The following CLBA1 variants were observed in gnomAD, a reference collection of about 807,000 sequenced individuals.
CLBA1 encodes clathrin binding box of aftiphilin containing 1.
CLBA1 carries 30 observed loss-of-function variants against 28.8 expected under a neutral mutation model. The ratio of observed to expected loss-of-function variants is 1.04; its 90% CI spans 0.78 to 1.41. CLBA1 has a LOEUF of 1.41. CLBA1 is among the 40% of genes most tolerant of loss of function. The pLI is 0.00. For missense variants in CLBA1, 451 were observed against 412.3 expected, an observed-to-expected ratio of 1.09 and a Z score of -0.81; for synonymous variants, 160 against 152.8, an observed-to-expected ratio of 1.05 and a Z score of -0.35.
chr14:104,993,141 G>GA (rs1352846187), intron 4 of CLBA1, 77 bp downstream of exon 4: 1 of 1,548,034 alleles, frequency 6.5e-7, no homozygotes, highest in African/African-American at 1.4e-5. Flanking sequence ...CGCTTTCTCT[G>GA]ATGTGAGTCA....
At chr14:104,993,138 T>G in intron 4 of CLBA1, 74 bp downstream of exon 4, 2 of 1,552,188 alleles carry the variant, frequency 1.3e-6, no homozygotes, top group Non-Finnish European at 1.7e-6. Flanking sequence ...CTCCGCTTTC[T>G]CTGATGTGAG....
chr14:104,990,414 C>T (rs1177672707), intron 2 of CLBA1: 7 of 152,236 alleles, frequency 4.6e-5, no homozygotes, highest in Admixed American at 4.6e-4. Flanking sequence ...ATCTTCCTGC[C>T]TCAGCCTCCT....
chr14:104,989,787 T>C, intron 2 of CLBA1: 1 of 437,380 alleles, frequency 2.3e-6, no homozygotes, highest in Admixed American at 2.4e-5. Context: ...CGGTGTGGTC[T>C]GCGGAGTGGG....
intron 4 of CLBA1, chr14:104,994,365 G>C (rs975813409): frequency 1.0e-6 from 1 of 985,360 alleles, no homozygotes; most frequent in African/African-American, 1.7e-5. Flanking sequence ...GCCCACTGCT[G>C]TCTTCGGGGC....
downstream of CLBA1, among the ~76,000 whole-genome samples, chr14:104,999,687 T>G (rs1012704334): frequency 3.3e-5 from 5 of 152,190 alleles, no homozygotes; most frequent in African/African-American, 1.2e-4. Context: ...CAGGAGGTCA[T>G]GAAAACAACA....
chr14:104,988,921 G>A, intron 1 of CLBA1, 22 bp from the exon 2 acceptor site: 1 of 1,584,048 alleles, frequency 6.3e-7, no homozygotes. Context: ...ACTTTGGTAT[G>A]CTTTTCTTCT....
downstream of CLBA1, chr14:104,995,586 G>C: frequency 1.1e-6 from 1 of 873,836 alleles, no homozygotes; most frequent in Non-Finnish European, 1.4e-6. Flanking sequence ...GAGGCCTGAA[G>C]TCTTAAGCAA....
In CLBA1 at chr14:104,995,024, C is replaced by T. The variant is rs956321205; in HGVS notation, c.*265C>T. ...GGGTCCAGGTGGCACTCATGGGCCC[C>T]CTGCCCCATGTGAATGCTGCTGGCA... On this transcript the variant is annotated 3_prime_UTR_variant, in exon 5 of 5. Coordinates refer to ENST00000547315, the MANE Select transcript of CLBA1 (RefSeq NM_174891.4). 5 of 1,111,056 alleles carry T rather than the reference C, an allele frequency of 4.5e-6. No individual in the cohort carries two copies. The highest frequency in any genetic ancestry group is 1.6e-5 in the African/African-American group (1 of 61,356). The allele number at this position is 1,111,056 out of a possible 1,614,324, so 68.8% of individuals were successfully genotyped here. A position where few individuals can be genotyped will look rare whatever the true frequency, so the allele number is the denominator to read the frequency against.
Position 104,993,061 on chromosome 14 carries a change from C to G in CLBA1, c.813C>G (p.Thr271=). The change falls in exon 4 of 5, where the codon ACC becomes ACG. Residue 271 remains threonine (T), a synonymous_variant. Transcript: ENST00000547315. ...CLQHCKALIQ[T]KLSGPPGSKQ... ...AGCATTGCAAAGCCCTGATCCAGAC[C>G]AAGGTGAGTGGTCACCAAGGAGAGG... is the stretch of plus-strand genomic sequence containing the variant. 6.2e-7 allele frequency: 1 copy of G among 1,613,276 alleles called. No individual in the cohort carries two copies. Among genetic ancestry groups the G allele is most frequent in the Non-Finnish European group, 8.5e-7 (1 of 1,179,594 alleles).
chr14:104,995,376 A>G lies in CLBA1; in HGVS notation c.*617A>G. The G allele has an allele frequency of 1.0e-6, 1 of 985,384 alleles. No homozygotes were observed. Among genetic ancestry groups the G allele is most frequent in the South Asian group, 4.7e-5 (1 of 21,278 alleles). The allele number at this position is 985,384 out of a possible 1,614,324, so 61.0% of individuals were successfully genotyped here. ...CTCACGGTTGTGGACAGGAGGTCGC[A>G]CCACTGGCCTGCGAGAGCCTCTGGT... On this transcript the variant is annotated 3_prime_UTR_variant, in exon 5 of 5. Transcript: ENST00000547315.
intron 4 of CLBA1, chr14:104,993,777 G>C (rs1298765057): frequency 1.0e-6 from 1 of 985,338 alleles, no homozygotes; most frequent in Non-Finnish European, 1.2e-6. Flanking sequence ...GGAACAGTCG[G>C]GGCTCATTGT....
chr14:104,992,660 C>T (rs933781150), intron 3 of CLBA1, among the ~76,000 whole-genome samples: 2 of 152,222 alleles, frequency 1.3e-5, no homozygotes. Flanking sequence ...TGCGGGCCAG[C>T]TCCGAGTGGC....
In CLBA1 at chr14:104,994,929, G is replaced by T; in HGVS notation, c.*170G>T. 7.4e-7 allele frequency: 1 copy of T among 1,354,246 alleles called. No individual in the cohort carries two copies. Among genetic ancestry groups the T allele is most frequent in the East Asian group, 2.9e-5 (1 of 33,966 alleles). 83.9% of individuals were successfully genotyped at this position (1,354,246 alleles called of 1,614,324 possible). A position where few individuals can be genotyped will look rare whatever the true frequency, so the allele number is the denominator to read the frequency against. On this transcript the variant is annotated 3_prime_UTR_variant, in exon 5 of 5. Coordinates refer to ENST00000547315, the MANE Select transcript of CLBA1 (RefSeq NM_174891.4). The stretch of plus-strand genomic sequence containing the variant: ...CTGGGCTTGTCTCGGGTCTGACCAG[G>T]AGATGGAGGATGTGTCCTTGGCAGA...
At chr14:104,992,922 C>T in intron 3 of CLBA1, 26 bp from the exon 4 acceptor site, 11 of 1,527,850 alleles carry the variant, frequency 7.2e-6, no homozygotes, top group Non-Finnish European at 1.0e-5. Flanking sequence ...ACTGTACCGG[C>T]TGTCTGATGG....
rs571186709 is a variant in CLBA1 at position 104,995,103 on chromosome 14, A to C, written c.*344A>C. 8.9e-6 allele frequency: 9 copies of C among 1,008,466 alleles called. No individual in the cohort carries two copies. In the African/African-American group the frequency reaches 1.5e-4, roughly 17 times the overall value. 62.5% of individuals were successfully genotyped at this position (1,008,466 alleles called of 1,614,324 possible). On this transcript the variant is annotated 3_prime_UTR_variant, in exon 5 of 5. Transcript: ENST00000547315. ...CCTGGGCATGGCTTCTGGGCTGCTT[A>C]GTCCAGGGGGAGCAACTTGTGGCCA...
Position 104,991,608 on chromosome 14 carries a change from T to G in CLBA1, c.687T>G (p.Asp229Glu). Residue 229 changes from aspartate (D) to glutamate (E), a missense_variant, in exon 3 of 5, where the codon GAT (aspartate) becomes GAG (glutamate). Physicochemically the swap from Asp to Glu is conservative, Grantham distance 45. Coordinates refer to ENST00000547315, the MANE Select transcript of CLBA1 (RefSeq NM_174891.4). ...QENFFLVLGI[D>E]AAQKNLSGGQ... ...ACTTCTTTCTTGTTCTCGGAATAGA[T>G]GCTGCGCAGAAGGTAGGCGGTTTGG... 1 of 1,612,454 alleles carries G rather than the reference T, an allele frequency of 6.2e-7. No homozygotes were observed. Among genetic ancestry groups the G allele is most frequent in the Non-Finnish European group, 8.5e-7 (1 of 1,179,200 alleles).
rs779152764 is a variant in CLBA1, at chr14:104,994,695, C to T, written c.914C>T (p.Pro305Leu). 3.7e-6 allele frequency: 6 copies of T among 1,613,940 alleles called. No homozygotes were observed. The Admixed American group carries it at 6.7e-5, about 18-fold the overall frequency. The change falls in exon 5 of 5, where the codon CCA (proline) becomes CTA (leucine). Residue 305 changes from proline to leucine, a missense_variant. By Grantham distance (98) the Pro-to-Leu change is moderately conservative. Transcript: ENST00000547315. ...SCGGGQHITI[P>L]RKRMFTPRKL... The stretch of plus-strand genomic sequence containing the variant: ...GGAGGTGGCCAGCACATCACTATTC[C>T]AAGGAAAAGGATGTTCACTCCACGC...
rs1481083741 is a variant in CLBA1, at chr14:104,992,932, G to A, written c.700-16G>A. The A allele has an allele frequency of 4.5e-6, 7 of 1,571,572 alleles. No individual in the cohort carries two copies. The highest frequency in any genetic ancestry group is 5.3e-6 in the Non-Finnish European group (6 of 1,141,316). On this transcript the variant is annotated splice_polypyrimidine_tract_variant and intron_variant, in intron 3 of 4. Coordinates refer to ENST00000547315, the MANE Select transcript of CLBA1 (RefSeq NM_174891.4). The stretch of plus-strand genomic sequence containing the variant: ...TGATGACTGTACCGGCTGTCTGATG[G>A]GGTCTGTCTCCTTAGAACCTTTCTG...
At position 104,985,808 on chromosome 14, in the gene CLBA1, C is replaced by A; in HGVS notation, c.-624C>A. The A allele has an allele frequency of 3.4e-6, 1 of 297,086 alleles. No homozygotes were observed. The highest frequency in any genetic ancestry group is 4.4e-5 in the Admixed American group (1 of 22,826). The allele number at this position is 297,086 out of a possible 1,614,324, so 18.4% of individuals were successfully genotyped here. A position where few individuals can be genotyped will look rare whatever the true frequency, so the allele number is the denominator to read the frequency against. ...TTGCCAGGCAACGGGGCGGCGCAGGCAGGAGGGAACGGCTGGTTGCAGGTT... is the reference window on the plus strand; with the variant it reads ...TTGCCAGGCAACGGGGCGGCGCAGGAAGGAGGGAACGGCTGGTTGCAGGTT... On this transcript the variant is annotated 5_prime_UTR_variant, in exon 1 of 5. Coordinates refer to ENST00000547315, the MANE Select transcript of CLBA1 (RefSeq NM_174891.4).
Sources: allele counts gnomAD v4.1 joint callset (sites outside exome capture counted in the v4.1 genomes callset), GRCh38; gene constraint gnomAD v4.1.1; transcripts MANE v1.5; gene names NCBI Gene and HGNC (gene_info 2026-07-23, HGNC 2026-07-21).